The following TNNI3K variants were observed in gnomAD, a reference collection of about 807,000 sequenced individuals.
TNNI3K encodes serine/threonine-protein kinase TNNI3K.
In TNNI3K, 140 loss-of-function variants were observed where a neutral mutation model predicts 114.5. The ratio of observed to expected loss-of-function variants is 1.22; its 90% CI spans 1.07 to 1.41. TNNI3K has a LOEUF of 1.41. Ranked by LOEUF, TNNI3K falls within the 40% of genes most tolerant of loss-of-function variation. The pLI, the probability that TNNI3K is intolerant of heterozygous loss-of-function variation, is 0.00. For synonymous variants in TNNI3K, 347 were observed against 347.5 expected (o/e 1.00, Z 0.02); for missense variants, 1,125 against 1,007.6 (o/e 1.12, Z -1.58).
At chr1:74,245,425 G>A (rs188411149) in intron 2 of TNNI3K, among the ~76,000 whole-genome samples, 8 of 152,238 alleles carry the variant, frequency 5.3e-5, no homozygotes, top group Admixed American at 3.9e-4. Context: ...TAAAATTCTC[G>A]ACCTCTTGAG....
chr1:74,531,067 A>G (rs968734470), intron 23 of TNNI3K, among the ~76,000 whole-genome samples: 3 of 152,208 alleles, frequency 2.0e-5, no homozygotes, highest in Non-Finnish European at 4.4e-5. Flanking sequence ...TAATGGCTCA[A>G]GCAGAACCAT....
intron 20 of TNNI3K, among the ~76,000 whole-genome samples, chr1:74,461,662 AC>A (rs1472967946): frequency 1.3e-5 from 2 of 152,080 alleles, no homozygotes; most frequent in African/African-American, 4.8e-5. Flanking sequence ...AAATGAGAAA[AC>A]CTAATTCTGG....
chr1:74,515,365 C>A (rs747258236), intron 23 of TNNI3K, among the ~76,000 whole-genome samples: 34 of 152,080 alleles, frequency 2.2e-4, no homozygotes, highest in Non-Finnish European at 4.6e-4. Flanking sequence ...ACACCTAACC[C>A]AGTATGAGAC....
intron 17 of TNNI3K, among the ~76,000 whole-genome samples, chr1:74,421,682 T>G (rs1448177862): frequency 6.6e-6 from 1 of 152,034 alleles, no homozygotes; most frequent in Admixed American, 6.6e-5. Context: ...TTAGCTTGAT[T>G]GCTAAGGATA....
chr1:74,533,822 A>G (rs919837149), intron 23 of TNNI3K, among the ~76,000 whole-genome samples: 1 of 152,152 alleles, frequency 6.6e-6, no homozygotes, highest in African/African-American at 2.4e-5. Flanking sequence ...ACAAAAAACC[A>G]AACACCGCAT....
At chr1:74,249,612 T>C in intron 3 of TNNI3K, 68 bp downstream of exon 3, 5 of 1,464,000 alleles carry the variant, frequency 3.4e-6, no homozygotes, top group Non-Finnish European at 4.6e-6. Context: ...CTTGAGCTGC[T>C]TAATAGTCTG....
intron 5 of TNNI3K, among the ~76,000 whole-genome samples, chr1:74,276,667 C>T (rs1656706128): frequency 6.6e-6 from 1 of 151,980 alleles, no homozygotes; most frequent in African/African-American, 2.4e-5. Context: ...CTTTTATTGC[C>T]CACCTTTCTC....
At chr1:74,365,880 A>T (rs1662244029) in intron 11 of TNNI3K, among the ~76,000 whole-genome samples, 1 of 152,086 alleles carries the variant, frequency 6.6e-6, no homozygotes, top group Non-Finnish European at 1.5e-5. Context: ...GATGATAAGA[A>T]AATAGACACT....
Position 74,343,189 on chromosome 1 carries a change from T to C in TNNI3K, c.932+10T>C. The C allele has an allele frequency of 6.2e-7, 1 of 1,603,636 alleles. No individual in the cohort carries two copies. The highest frequency in any genetic ancestry group is 1.1e-5 in the South Asian group (1 of 89,702). The stretch of plus-strand genomic sequence containing the variant: ...AAACAGCTTTTCATAGGTAAAAGAA[T>C]ATTTAAGTGCAATAGCCACTAAACT... On this transcript the variant is annotated intron_variant, in intron 9 of 24. Coordinates refer to ENST00000326637, the MANE Select transcript of TNNI3K (RefSeq NM_015978.3).
intron 7 of TNNI3K, among the ~76,000 whole-genome samples, chr1:74,337,868 T>A (rs1660556410): frequency 1.3e-5 from 2 of 152,122 alleles, no homozygotes; most frequent in Non-Finnish European, 2.9e-5. Context: ...TCCATGTTGT[T>A]GTATGGATCG....
At chr1:74,380,725 G>T (rs1195341094) in intron 17 of TNNI3K, among the ~76,000 whole-genome samples, 1 of 152,060 alleles carries the variant, frequency 6.6e-6, no homozygotes, top group Non-Finnish European at 1.5e-5. Context: ...CATTTCTTGG[G>T]AGGCACTGTG....
At chr1:74,394,634 G>A (rs1663976589) in intron 17 of TNNI3K, among the ~76,000 whole-genome samples, 3 of 152,196 alleles carry the variant, frequency 2.0e-5, no homozygotes, top group Admixed American at 2.0e-4. Context: ...ACTTTTGTCT[G>A]TTCTATTCAG....
intron 23 of TNNI3K, among the ~76,000 whole-genome samples, chr1:74,518,192 G>T (rs1646376159): frequency 6.6e-6 from 1 of 151,960 alleles, no homozygotes; most frequent in Non-Finnish European, 1.5e-5. Flanking sequence ...AGATGGAGAG[G>T]GTTTGCTGAT....
intron 2 of TNNI3K, 88 bp downstream of exon 2, chr1:74,236,298 G>A (rs963977551): frequency 3.1e-5 from 37 of 1,184,646 alleles, no homozygotes; most frequent in South Asian, 5.7e-5. Context: ...TTTTAAACCC[G>A]TAGAACCTCA....
chr1:74,396,137 C>A (rs1029072358), intron 17 of TNNI3K, among the ~76,000 whole-genome samples: 1 of 152,136 alleles, frequency 6.6e-6, no homozygotes, highest in Non-Finnish European at 1.5e-5. Context: ...ACATGCTTGC[C>A]CCATCTCAAA....
At chr1:74,533,524 A>G (rs1382916761) in intron 23 of TNNI3K, among the ~76,000 whole-genome samples, 1 of 152,152 alleles carries the variant, frequency 6.6e-6, no homozygotes, top group East Asian at 1.9e-4. Context: ...GGGATCTAGA[A>G]CTAGAAATAC....
At chr1:74,426,434 C>T (rs1237027779) in intron 17 of TNNI3K, among the ~76,000 whole-genome samples, 1 of 152,006 alleles carries the variant, frequency 6.6e-6, no homozygotes, top group Non-Finnish European at 1.5e-5. Flanking sequence ...TACAGAAAAC[C>T]TTGTTCGTTG....
At chr1:74,237,467 G>C (rs149323700) in intron 2 of TNNI3K, among the ~76,000 whole-genome samples, 6 of 151,920 alleles carry the variant, frequency 3.9e-5, no homozygotes, top group Non-Finnish European at 8.8e-5. Flanking sequence ...ACATTGAAGA[G>C]ATTTTCCTCA....
chr1:74,536,426 A>G (rs1646661229), intron 23 of TNNI3K, among the ~76,000 whole-genome samples: 1 of 152,180 alleles, frequency 6.6e-6, no homozygotes, highest in South Asian at 2.1e-4. Flanking sequence ...GCATGAATTA[A>G]TTAGTAAAAA....
Sources: gnomAD v4.1 joint callset for allele counts (sites outside exome capture counted in the v4.1 genomes callset) on GRCh38, gnomAD v4.1.1 for gene constraint, MANE v1.5 for transcripts, NCBI Gene and HGNC (gene_info 2026-07-23, HGNC 2026-07-21) for gene names.